The following LAMB3 variants were observed in gnomAD, a reference collection of about 807,000 sequenced individuals.
The protein encoded by LAMB3 is laminin subunit beta-3.
In LAMB3, 104 loss-of-function variants were observed where a neutral mutation model predicts 140.3. That is an observed-to-expected ratio of 0.74 (90% CI 0.63 to 0.87). LAMB3 has a LOEUF of 0.87. Among genes scored for constraint, LAMB3 ranks in the 40% least tolerant of loss-of-function variants. The pLI is 0.00. For synonymous variants in LAMB3, 592 were observed against 602.9 expected, an observed-to-expected ratio of 0.98 and a Z score of 0.26; for missense variants, 1,531 against 1,575.2, an observed-to-expected ratio of 0.97 and a Z score of 0.47.
Position 209,630,718 on chromosome 1 carries a change from G to A in LAMB3, c.840C>T (p.Val280=), listed in dbSNP as rs1314254044. The change falls in exon 9 of 23, where the codon GTC becomes GTT. Residue 280 remains valine (V), a synonymous_variant. Coordinates refer to ENST00000356082, the MANE Select transcript of LAMB3 (RefSeq NM_000228.3). ...TTGGGCCGGCAGTGTTGTGCTGGCA[G>A]ACACAGACATCGTGGACCTGGGAGG... ...STAVQVHDVC[V]CQHNTAGPNC... The A allele has an allele frequency of 6.2e-7, 1 of 1,614,042 alleles. No homozygotes were observed. The highest frequency in any genetic ancestry group is 8.5e-7 in the Non-Finnish European group (1 of 1,180,008).
At chr1:209,635,785 C>T (rs1571826043) in intron 5 of LAMB3, among the ~76,000 whole-genome samples, 1 of 152,150 alleles carries the variant, frequency 6.6e-6, no homozygotes, top group Admixed American at 6.5e-5. Flanking sequence ...ATAAAATGGG[C>T]CTTGTCAGTC....
At chr1:209,615,750 T>G (rs577629566) in intron 22 of LAMB3, among the ~76,000 whole-genome samples, 1 of 152,352 alleles carries the variant, frequency 6.6e-6, no homozygotes, top group South Asian at 2.1e-4. Flanking sequence ...GGAGCCCCTG[T>G]TCTCCTTTCT....
At position 209,617,950 on chromosome 1, in the gene LAMB3, C is replaced by T. The variant is rs768371778; in HGVS notation, c.3008G>A (p.Gly1003Asp). Residue 1003 changes from glycine (G) to aspartate (D), a missense_variant, in exon 20 of 23, where the codon GGC becomes GAC. Physicochemically the swap from Gly to Asp is moderately conservative, Grantham distance 94. Transcript: ENST00000356082. ...ALQEAQDTMQGTSRSLRLIQD... is the reference protein window; with the variant it reads ...ALQEAQDTMQDTSRSLRLIQD... ...GATAAGCCGAAGGGAGCGGCTGGTG[C>T]CTTGCATGGTGTCCTGAGCTTCCTG... 1 of 1,613,848 alleles carries T rather than the reference C, an allele frequency of 6.2e-7. No individual in the cohort carries two copies. Among genetic ancestry groups the T allele is most frequent in the Non-Finnish European group, 8.5e-7 (1 of 1,180,034 alleles).
Position 209,633,076 on chromosome 1 carries a change from T to A in LAMB3, c.622A>T (p.Ile208Phe). 1 of 1,608,186 alleles carries A rather than the reference T, an allele frequency of 6.2e-7. No individual in the cohort carries two copies. The change falls in exon 7 of 23, where the codon ATT becomes TTT. Residue 208 changes from isoleucine to phenylalanine, a missense_variant. By Grantham distance (21) the Ile-to-Phe change is conservative. Transcript: ENST00000356082. ...GAGAAGTAACCACACTGACCTTGAA[T>A]TTTTTGACTTTGAGTTGCTGGAATC... is the stretch of plus-strand genomic sequence containing the variant. ...SGIPATQSQK[I>F]QEVGEITNLR...
intron 6 of LAMB3, 111 bp downstream of exon 6, chr1:209,634,336 G>C: frequency 1.8e-6 from 2 of 1,104,352 alleles, no homozygotes; most frequent in Non-Finnish European, 2.8e-6. Context: ...GTCAGCAAGG[G>C]GAGCTGGCGA....
In LAMB3 at chr1:209,647,665, A is replaced by G. The variant is rs141077300; in HGVS notation, c.183+2299T>C. On this transcript the variant is annotated intron_variant, in intron 3 of 22. Transcript: ENST00000356082. ...GGGTGAAGGGAGAGGCAGTAGGAAT[A>G]CAGCATTGCATTCGGCCAGCCTCAT... 1.4e-4 allele frequency among the ~76,000 whole-genome samples: 22 copies of G among 152,274 alleles called. No individual in the cohort carries two copies. The East Asian group carries it at 3.9e-3, about 27-fold the overall frequency.
chr1:209,618,797 C>T lies in LAMB3; in HGVS notation c.2702-138G>A. 3.8e-6 allele frequency: 3 copies of T among 780,424 alleles called. No homozygotes were observed. The South Asian group carries it at 4.4e-5, about 12-fold the overall frequency. 48.3% of individuals were successfully genotyped at this position (780,424 alleles called of 1,614,324 possible). A position where few individuals can be genotyped will look rare whatever the true frequency, so the allele number is the denominator to read the frequency against. On this transcript the variant is annotated intron_variant, in intron 18 of 22. Transcript: ENST00000356082. ...TGGTGTCCCAAGGAGCTGCTGCCCC[C>T]TTTCAACCAGACTCAGGCGCCTGTT...
In LAMB3 at chr1:209,623,675, G is replaced by A. The variant is rs1350303547; in HGVS notation, c.2188C>T (p.Gln730Ter). 1.2e-6 allele frequency: 2 copies of A among 1,614,054 alleles called. No homozygotes were observed. Among genetic ancestry groups the A allele is most frequent in the African/African-American group, 1.3e-5 (1 of 74,938 alleles). ...TAYEQSAQAA[Q>*]QVSDSSRLLD... Reference sequence around the variant, plus strand: ...AGGCGCGAGCTGTCGGAGACCTGCTGAGCAGCCTGGGCTGACTGCTCGTAG... The same window carrying A: ...AGGCGCGAGCTGTCGGAGACCTGCTAAGCAGCCTGGGCTGACTGCTCGTAG... The change falls in exon 16 of 23, where the codon CAG becomes TAG. Residue 730 changes from glutamine to a stop codon, truncating the protein, a stop_gained. Coordinates refer to ENST00000356082, the MANE Select transcript of LAMB3 (RefSeq NM_000228.3). LOFTEE classifies it high-confidence loss of function. The surrounding 1 kb of genome is among the most constrained non-coding windows in gnomAD (Gnocchi z 4.2).
At chr1:209,638,750 C>G (rs1175222394) in intron 3 of LAMB3, 102 bp from the exon 4 acceptor site, 6 of 740,910 alleles carry the variant, frequency 8.1e-6, no homozygotes, top group Non-Finnish European at 1.5e-5. Flanking sequence ...AAATCCTGCC[C>G]TTAGGAATCA....
chr1:209,638,102 C>A (rs1220901275), intron 4 of LAMB3, 121 bp from the exon 5 acceptor site: 2 of 812,194 alleles, frequency 2.5e-6, no homozygotes, highest in Non-Finnish European at 2.1e-6. Context: ...ATTTTCCAAA[C>A]TCCCTCTTGG....
chr1:209,627,700 A>G, intron 11 of LAMB3, 121 bp from the exon 12 acceptor site: 1 of 945,994 alleles, frequency 1.1e-6, no homozygotes, highest in South Asian at 1.4e-5. Flanking sequence ...TTCCCTGCAG[A>G]TGACATGGCT....
In LAMB3 at chr1:209,637,872, C is replaced by G. The variant is rs769347322; in HGVS notation, c.372+36G>C. ...CTCCACGCCCACATGGCCCAGGAGCCCCTCTCCTATCCACTGCCACCCCCA... is the reference window on the plus strand; with the variant it reads ...CTCCACGCCCACATGGCCCAGGAGCGCCTCTCCTATCCACTGCCACCCCCA... On this transcript the variant is annotated intron_variant, in intron 5 of 22. Coordinates refer to ENST00000356082, the MANE Select transcript of LAMB3 (RefSeq NM_000228.3). The G allele has an allele frequency of 1.9e-6, 3 of 1,561,590 alleles. No individual in the cohort carries two copies. In the Admixed American group the frequency reaches 5.1e-5, roughly 27 times the overall value.
chr1:209,651,885 G>A (rs1310237214), intron 1 of LAMB3, among the ~76,000 whole-genome samples: 2 of 150,614 alleles, frequency 1.3e-5, no homozygotes, highest in Non-Finnish European at 2.9e-5. Flanking sequence ...GGGCGGGGGG[G>A]GAAATTGAGG....
rs1479120762 is a variant in LAMB3, at chr1:209,632,578, G to C, written c.822+5C>G. 1.6e-5 allele frequency: 26 copies of C among 1,613,020 alleles called. No individual in the cohort carries two copies. Among genetic ancestry groups the C allele is most frequent in the Non-Finnish European group, 2.2e-5 (26 of 1,179,212 alleles). On this transcript the variant is annotated splice_donor_5th_base_variant and intron_variant, in intron 8 of 22. Transcript: ENST00000356082. The stretch of plus-strand genomic sequence containing the variant: ...TCCTCTCCCCTTCCCACCCTAGGCT[G>C]TTACCTGCACAGCGGTGGAGGGGCC...
At chr1:209,622,464 T>C in intron 18 of LAMB3, 72 bp downstream of exon 18, 1 of 1,571,150 alleles carries the variant, frequency 6.4e-7, no homozygotes, top group Non-Finnish European at 8.7e-7. Flanking sequence ...GGCTGGCTGA[T>C]GCACTGAACA....
chr1:209,615,317 C>T lies in LAMB3; in HGVS notation c.3473G>A (p.Arg1158His), dbSNP rs748722966. Residue 1158 changes from arginine (R) to histidine (H), a missense_variant, in exon 23 of 23, where the codon CGT becomes CAT. Transcript: ENST00000356082. The stretch of plus-strand genomic sequence containing the variant: ...GAGCACGCGCCCATTGATGTGGTCA[C>T]GGATCTGCTCCACACGCTTCTCCAG... The part of the protein sequence containing the change: ...TGLEKRVEQI[R>H]DHINGRVLYY... 13 of 1,614,126 alleles carry T rather than the reference C, an allele frequency of 8.1e-6. No homozygotes were observed. In the East Asian group the frequency reaches 1.1e-4, roughly 14 times the overall value.
intron 12 of LAMB3, 113 bp downstream of exon 12, chr1:209,627,270 C>A (rs1666497333): frequency 8.0e-6 from 7 of 878,974 alleles, no homozygotes; most frequent in Non-Finnish European, 1.2e-5. Context: ...ACAGAAGACG[C>A]CCAGTCTGAC....
rs773700438 is a variant in LAMB3, at chr1:209,630,619, G to A, written c.939C>T (p.Cys313=). ...RPAEGQDAHE[C]QRCDCNGHSE... is the part of the protein sequence containing the mutation. Reference sequence around the variant, plus strand: ...GGGGTGATCCAAAGCTCCTACTTTGGCATTCATGGGCGTCCTGGCCCTCCG... The same window carrying A: ...GGGGTGATCCAAAGCTCCTACTTTGACATTCATGGGCGTCCTGGCCCTCCG... The change falls in exon 9 of 23, where the codon TGC becomes TGT. Residue 313 remains cysteine (C), a synonymous_variant. Transcript: ENST00000356082. 1 of 1,614,152 alleles carries A rather than the reference G, an allele frequency of 6.2e-7. No homozygotes were observed. Among genetic ancestry groups the A allele is most frequent in the East Asian group, 2.2e-5 (1 of 44,878 alleles).
rs375680175 is a variant in LAMB3 at position 209,629,830 on chromosome 1, G to A, written c.1039C>T (p.Arg347Trp). 5.3e-5 allele frequency: 86 copies of A among 1,613,850 alleles called. No individual in the cohort carries two copies. The highest frequency in any genetic ancestry group is 4.8e-4 in the South Asian group (44 of 91,076). ...CAGTTCTTGCCTTCGGTGTGGTCCCGGCAATTGTCACACACACCTCCATAT... is the reference window on the plus strand; with the variant it reads ...CAGTTCTTGCCTTCGGTGTGGTCCCAGCAATTGTCACACACACCTCCATAT... ...GAYGGVCDNCRDHTEGKNCER... is the reference protein window; with the variant it reads ...GAYGGVCDNCWDHTEGKNCER... Residue 347 changes from arginine (R) to tryptophan (W), a missense_variant, in exon 10 of 23, where the codon CGG (arginine) becomes TGG (tryptophan). Transcript: ENST00000356082.
Sources: gnomAD v4.1 joint callset for allele counts (sites outside exome capture counted in the v4.1 genomes callset) on GRCh38, gnomAD v4.1.1 for gene constraint, Gnocchi (gnomAD v3.1) non-coding constraint, MANE v1.5 for transcripts, NCBI Gene and HGNC (gene_info 2026-07-23, HGNC 2026-07-21) for gene names.